SMC4: variants seen among roughly 807,000 people sequenced by gnomAD.
SMC4 encodes the protein structural maintenance of chromosomes 4.
SMC4 carries 87 observed loss-of-function variants against 145.6 expected under a neutral mutation model. The ratio of observed to expected loss-of-function variants is 0.60; its 90% CI spans 0.50 to 0.71. The LOEUF (loss-of-function observed/expected upper bound fraction) is 0.71. Ranked by LOEUF, SMC4 falls within the 30% of genes least tolerant of loss-of-function variation. The pLI, the probability that SMC4 is intolerant of heterozygous loss-of-function variation, is 0.00. For synonymous variants in SMC4, 558 were observed against 500.7 expected (o/e 1.11, Z -1.53); for missense variants, 1,447 against 1,537.1 (o/e 0.94, Z 0.98).
intron 3 of SMC4, among the ~76,000 whole-genome samples, chr3:160,402,338 T>G (rs1248439452): frequency 6.6e-6 from 1 of 152,184 alleles, no homozygotes; most frequent in Non-Finnish European, 1.5e-5. Context: ...TTCCATTGAA[T>G]GGAGTCGGTG....
At chr3:160,413,885 C>G (rs937710134) in intron 8 of SMC4, 1 of 307,284 alleles carries the variant, frequency 3.3e-6, no homozygotes, top group Admixed American at 5.0e-5. Context: ...ACAGTTTAAT[C>G]TTTTAGTAGT....
chr3:160,422,173 T>G (rs535948133), intron 13 of SMC4, among the ~76,000 whole-genome samples: 1 of 152,318 alleles, frequency 6.6e-6, no homozygotes, highest in South Asian at 2.1e-4. Context: ...TGTGTACAAG[T>G]TTTTGAGTGA....
chr3:160,400,838 A>G lies in SMC4; in HGVS notation c.12A>G (p.Lys4=). The part of the protein sequence containing the change: MPR[K]GTQPSTARRR... ...CGGCCCCAGCGACCATGCCCCGTAA[A>G]GGCACCCAGCCCTCCACTGCCCGGC... Residue 4 remains lysine (K), a synonymous_variant, in exon 2 of 24, where the codon AAA becomes AAG. Transcript: ENST00000357388. The G allele has an allele frequency of 6.5e-7, 1 of 1,537,808 alleles. No homozygotes were observed. The highest frequency in any genetic ancestry group is 8.7e-7 in the Non-Finnish European group (1 of 1,152,224).
chr3:160,400,809 C>G lies in SMC4; in HGVS notation c.-5-13C>G. 1 of 1,514,142 alleles carries G rather than the reference C, an allele frequency of 6.6e-7. No homozygotes were observed. The highest frequency in any genetic ancestry group is 8.8e-7 in the Non-Finnish European group (1 of 1,141,146). The allele number at this position is 1,514,142 out of a possible 1,614,324, so 93.8% of individuals were successfully genotyped here. A position where few individuals can be genotyped will look rare whatever the true frequency, so the allele number is the denominator to read the frequency against. ...CGCGGGCTGACTTGCTCCCGGCTGT[C>G]CCCCGGCCCCAGCGACCATGCCCCG... On this transcript the variant is annotated splice_polypyrimidine_tract_variant and intron_variant, in intron 1 of 23. Transcript: ENST00000357388.
At chr3:160,410,572 G>A (rs940780360) in intron 5 of SMC4, among the ~76,000 whole-genome samples, 11 of 152,198 alleles carry the variant, frequency 7.2e-5, no homozygotes, top group African/African-American at 2.7e-4. Context: ...TATAATGAAT[G>A]TTATGGAAAA....
chr3:160,429,016 T>C, intron 18 of SMC4, 74 bp downstream of exon 18: 1 of 1,234,860 alleles, frequency 8.1e-7, no homozygotes, highest in South Asian at 1.6e-5. Flanking sequence ...TACTATGTAA[T>C]GTTCCATAAA....
chr3:160,419,338 C>T lies in SMC4; in HGVS notation c.1672-20C>T. 6.5e-7 allele frequency: 1 copy of T among 1,529,570 alleles called. No individual in the cohort carries two copies. Among genetic ancestry groups the T allele is most frequent in the Non-Finnish European group, 8.9e-7 (1 of 1,125,516 alleles). 94.7% of individuals were successfully genotyped at this position (1,529,570 alleles called of 1,614,324 possible). On this transcript the variant is annotated intron_variant, in intron 11 of 23. Transcript: ENST00000357388. ...TTTAGAAGTTAATGCTTCTGGATTT[C>T]ATTTTATTTTCACTTTTAGAAAGAA...
Position 160,412,168 on chromosome 3 carries a change from A to G in SMC4, c.852+84A>G, listed in dbSNP as rs559228917. On this transcript the variant is annotated intron_variant, in intron 6 of 23. Coordinates refer to ENST00000357388, the MANE Select transcript of SMC4 (RefSeq NM_001002800.3). Reference sequence around the variant, plus strand: ...TTTTAGTAAGTCAGATATTCATGTTATAATACTTAATGAAGAAGTGTTATA... The same window carrying G: ...TTTTAGTAAGTCAGATATTCATGTTGTAATACTTAATGAAGAAGTGTTATA... 1.7e-4 allele frequency: 250 copies of G among 1,470,210 alleles called. 1 individual carries two copies. In the African/African-American group the frequency reaches 3.3e-3, roughly 19 times the overall value. 91.1% of individuals were successfully genotyped at this position (1,470,210 alleles called of 1,614,324 possible).
In SMC4 at chr3:160,431,789, A is replaced by T. The variant is rs1469493769; in HGVS notation, c.3261A>T (p.Lys1087Asn). ...ALLEARCHEM[K>N]PNLGAIAEYK... ...TGGAAGCCCGGTGTCATGAAATGAA[A>T]CCAAACCTCGGTGCCATCGCAGAGT... The change falls in exon 21 of 24, where the codon AAA (lysine) becomes AAT (asparagine). Residue 1087 changes from lysine to asparagine, a missense_variant. Transcript: ENST00000357388. 2.5e-6 allele frequency: 4 copies of T among 1,613,790 alleles called. No homozygotes were observed. The highest frequency in any genetic ancestry group is 3.4e-6 in the Non-Finnish European group (4 of 1,179,970).
intron 2 of SMC4, 29 bp downstream of exon 2, chr3:160,400,994 A>G: frequency 1.5e-6 from 2 of 1,375,090 alleles, no homozygotes; most frequent in Admixed American, 8.0e-5. Flanking sequence ...CTCGGCGGGA[A>G]CGCGCGCTGT....
intron 4 of SMC4, among the ~76,000 whole-genome samples, chr3:160,403,276 T>C (rs1714916029): frequency 6.6e-6 from 1 of 152,144 alleles, no homozygotes; most frequent in Non-Finnish European, 1.5e-5. Context: ...AACTCTAATG[T>C]TAGTGGCCCC....
chr3:160,416,840 A>G (rs1036709992), intron 10 of SMC4, among the ~76,000 whole-genome samples: 1 of 152,146 alleles, frequency 6.6e-6, no homozygotes, highest in Admixed American at 6.6e-5. Context: ...TCCTAGGTCA[A>G]TCACTTACTG....
chr3:160,408,025 A>G (rs1715539608), intron 5 of SMC4, among the ~76,000 whole-genome samples: 1 of 152,238 alleles, frequency 6.6e-6, no homozygotes, highest in South Asian at 2.1e-4. Flanking sequence ...ATAGTATAGT[A>G]TAATAAAAGA....
At chr3:160,415,707 G>GTAAA (rs1716508563) in intron 9 of SMC4, among the ~76,000 whole-genome samples, 1 of 152,190 alleles carries the variant, frequency 6.6e-6, no homozygotes, top group Non-Finnish European at 1.5e-5. Context: ...AGACTTGACA[G>GTAAA]ACTTAGCTAA....
rs749922665 is a variant in SMC4 at position 160,432,379 on chromosome 3, C to G, written c.3394C>G (p.Leu1132Val). The G allele has an allele frequency of 1.9e-6, 3 of 1,613,570 alleles. No homozygotes were observed. In the Admixed American group the frequency reaches 5.0e-5, roughly 27 times the overall value. Residue 1132 changes from leucine to valine, a missense_variant, in exon 22 of 24, where the codon CTT becomes GTT. Leu to Val is a conservative substitution (Grantham distance 32, BLOSUM62 1). Coordinates refer to ENST00000357388, the MANE Select transcript of SMC4 (RefSeq NM_001002800.3). ...QAYEDLRKQRLNEFMAGFYII... is the reference protein window; with the variant it reads ...QAYEDLRKQRVNEFMAGFYII... The stretch of plus-strand genomic sequence containing the variant: ...ATATGAAGATCTTCGGAAACAAAGG[C>G]TTAATGAATTTATGGCAGGTTTTTA...
At chr3:160,414,157 C>A in intron 8 of SMC4, 1 of 567,668 alleles carries the variant, frequency 1.8e-6, no homozygotes. Flanking sequence ...TTCCCTCCAA[C>A]TTAGAAAGGC....
At position 160,430,990 on chromosome 3, in the gene SMC4, C is replaced by G. The variant is rs747093993; in HGVS notation, c.2941-42C>G. ...TCTCTGTAATGTGAAAATGATGGCT[C>G]TATTTGGAAAATTCTATCTAGCAGT... On this transcript the variant is annotated intron_variant, in intron 19 of 23. Transcript: ENST00000357388. 6.4e-6 allele frequency: 10 copies of G among 1,556,996 alleles called. No homozygotes were observed. In the African/African-American group the frequency reaches 7.0e-5, roughly 11 times the overall value.
intron 18 of SMC4, among the ~76,000 whole-genome samples, chr3:160,429,719 T>C (rs1232059733): frequency 6.6e-6 from 1 of 150,944 alleles, no homozygotes; most frequent in Admixed American, 6.6e-5. Context: ...AGGTTTTTTT[T>C]TTTTTTTTTT....
chr3:160,429,059 T>C (rs1718094558), intron 18 of SMC4, 117 bp downstream of exon 18: 1 of 817,064 alleles, frequency 1.2e-6, no homozygotes, highest in Non-Finnish European at 1.9e-6. Flanking sequence ...ATTGAACCTG[T>C]CTGACACATT....
Sources: gnomAD v4.1 joint callset for allele counts (sites outside exome capture counted in the v4.1 genomes callset) on GRCh38, gnomAD v4.1.1 for gene constraint, MANE v1.5 for transcripts, NCBI Gene and HGNC (gene_info 2026-07-23, HGNC 2026-07-21) for gene names.